Variants in DPP10 observed in about 807,000 individuals in gnomAD.
The protein encoded by DPP10 is dipeptidyl peptidase like 10, also known as inactive dipeptidyl peptidase 10.
Under a neutral mutation model 120.9 loss-of-function variants are expected in DPP10, and 33 were observed. The ratio of observed to expected loss-of-function variants is 0.27; its 90% CI spans 0.21 to 0.37. The LOEUF is 0.37. Among genes scored for constraint, DPP10 ranks in the 10% least tolerant of loss-of-function variants. The pLI is 1.00. For missense variants in DPP10, 816 were observed against 942.8 expected (o/e 0.87, Z 1.76); for synonymous variants, 337 against 326.1 (o/e 1.03, Z -0.36).
chr2:114,507,121 C>T (rs969934072), intron 1 of DPP10, among the ~76,000 whole-genome samples: 26 of 149,142 alleles, frequency 1.7e-4, no homozygotes, highest in Admixed American at 6.1e-4. Context: ...GATCTTGGCT[C>T]ACTGCAGCCT....
intron 1 of DPP10, among the ~76,000 whole-genome samples, chr2:115,275,730 C>A (rs1441500612): frequency 7.4e-6 from 1 of 134,900 alleles, no homozygotes; most frequent in Non-Finnish European, 1.5e-5. Flanking sequence ...GACGGAGTCT[C>A]GCTCTGTCGC....
chr2:115,821,141 T>C (rs1423936615), intron 21 of DPP10, among the ~76,000 whole-genome samples: 1 of 152,122 alleles, frequency 6.6e-6, no homozygotes, highest in Non-Finnish European at 1.5e-5. Flanking sequence ...ATCAAACATA[T>C]CCATTTTGAT....
At chr2:114,522,626 T>G (rs1418634619) in intron 1 of DPP10, among the ~76,000 whole-genome samples, 1 of 152,160 alleles carries the variant, frequency 6.6e-6, no homozygotes, top group East Asian at 1.9e-4. Flanking sequence ...GACTTTAAGT[T>G]TGGGGAGAAA....
At chr2:114,881,624 C>T (rs1212748240) in intron 1 of DPP10, among the ~76,000 whole-genome samples, 1 of 151,836 alleles carries the variant, frequency 6.6e-6, no homozygotes, top group Non-Finnish European at 1.5e-5. Flanking sequence ...ATCTATCTAT[C>T]TATCTATCTA....
At chr2:114,574,567 G>A (rs79651921) in intron 1 of DPP10, among the ~76,000 whole-genome samples, 2,257 of 152,216 alleles carry the variant, frequency 0.015, 62 homozygotes, top group African/African-American at 0.051. Flanking sequence ...TCGCACCTGA[G>A]GCATATTCCA....
At chr2:115,603,150 G>GTGTGTGTGTGTA (rs1259891156) in intron 5 of DPP10, among the ~76,000 whole-genome samples, 4,602 of 149,384 alleles carry the variant, frequency 0.031, 103 homozygotes, top group Non-Finnish European at 0.051. Context: ...GTGTGTGTGT[G>GTGTGTGTGTGTA]TGTGTGTGTG....
At chr2:115,795,348 G>A (rs1184920868) in intron 19 of DPP10, among the ~76,000 whole-genome samples, 2 of 152,238 alleles carry the variant, frequency 1.3e-5, no homozygotes, top group Middle Eastern at 3.4e-3. Flanking sequence ...TAATAAGGGA[G>A]GCAGTAAATG....
At chr2:114,596,257 T>C (rs1038589575) in intron 1 of DPP10, among the ~76,000 whole-genome samples, 30 of 152,038 alleles carry the variant, frequency 2.0e-4, no homozygotes, top group African/African-American at 7.2e-4. Context: ...TTTTTATATG[T>C]ATTACATATT....
intron 5 of DPP10, among the ~76,000 whole-genome samples, chr2:115,580,959 G>T (rs532869858): frequency 5.3e-5 from 8 of 152,108 alleles, no homozygotes; most frequent in Non-Finnish European, 8.8e-5. Context: ...CATTGTTAAG[G>T]TACGGAAAAT....
intron 1 of DPP10, among the ~76,000 whole-genome samples, chr2:115,239,085 G>C (rs557321801): frequency 6.6e-6 from 1 of 152,242 alleles, no homozygotes; most frequent in Admixed American, 6.5e-5. Flanking sequence ...CAGCTGATTA[G>C]ATGGTGCCCC....
intron 5 of DPP10, among the ~76,000 whole-genome samples, chr2:115,597,266 C>T (rs2083047671): frequency 6.6e-6 from 1 of 152,146 alleles, no homozygotes; most frequent in Non-Finnish European, 1.5e-5. Context: ...ACATTAAACA[C>T]ACCAAGGTCA....
At chr2:115,362,526 A>G (rs2064846296) in intron 3 of DPP10, among the ~76,000 whole-genome samples, 6 of 152,170 alleles carry the variant, frequency 3.9e-5, no homozygotes, top group Admixed American at 3.9e-4. Flanking sequence ...ACGTTTTCCA[A>G]CTTTTGGTTA....
At chr2:115,590,079 T>C (rs917812716) in intron 5 of DPP10, among the ~76,000 whole-genome samples, 10 of 151,590 alleles carry the variant, frequency 6.6e-5, no homozygotes, top group African/African-American at 2.2e-4. Flanking sequence ...CAGCAGAGTA[T>C]TGCAGTCTGA....
At chr2:115,239,238 C>T (rs543310866) in intron 1 of DPP10, among the ~76,000 whole-genome samples, 1 of 152,152 alleles carries the variant, frequency 6.6e-6, no homozygotes, top group Non-Finnish European at 1.5e-5. Context: ...TTAACCATCC[C>T]ATGGAATTTG....
At chr2:115,417,625 G>A (rs2069550387) in intron 3 of DPP10, among the ~76,000 whole-genome samples, 1 of 152,098 alleles carries the variant, frequency 6.6e-6, no homozygotes, top group African/African-American at 2.4e-5. Context: ...GGCAAAAGGA[G>A]ACCAAGTTTT....
rs567131946 is a variant in DPP10, at chr2:114,572,767, T to G, written c.60+129929T>G. ...TTTAAAATGTGATATTTCTCAAAAC[T>G]GGTCCATGGGGATGACACTGTTATC... On this transcript the variant is annotated intron_variant, in intron 1 of 25. Coordinates refer to ENST00000410059, the MANE Select transcript of DPP10 (RefSeq NM_020868.6). 5.8e-4 allele frequency among the ~76,000 whole-genome samples: 89 copies of G among 152,306 alleles called. 1 individual carries two copies. Among genetic ancestry groups the G allele is most frequent in the Middle Eastern group, 3.4e-3 (1 of 294 alleles).
At chr2:115,284,386 G>A (rs2060281516) in intron 1 of DPP10, among the ~76,000 whole-genome samples, 1 of 151,868 alleles carries the variant, frequency 6.6e-6, no homozygotes, top group African/African-American at 2.4e-5. Context: ...TCTTTCAAAA[G>A]CCCTAGTAAT....
chr2:115,279,655 CTTTTTTTT>C (rs70941039), intron 1 of DPP10, among the ~76,000 whole-genome samples: 1 of 42,720 alleles, frequency 2.3e-5, no homozygotes, highest in African/African-American at 1.1e-4. Context: ...TTTTCTTCTT[CTTTTTTTT>C]TTTTTTTTTT....
intron 1 of DPP10, among the ~76,000 whole-genome samples, chr2:115,096,299 A>G (rs929380242): frequency 6.6e-6 from 1 of 152,210 alleles, no homozygotes; most frequent in Admixed American, 6.5e-5. Context: ...CCAACACCCA[A>G]GCTGTACTTC....
Sources: allele counts gnomAD v4.1 joint callset (sites outside exome capture counted in the v4.1 genomes callset), GRCh38; gene constraint gnomAD v4.1.1; transcripts MANE v1.5; gene names NCBI Gene and HGNC (gene_info 2026-07-23, HGNC 2026-07-21).